MYPN: variants seen among roughly 807,000 people sequenced by gnomAD.
MYPN encodes the protein myopalladin.
A neutral mutation model predicts 129.4 loss-of-function variants in MYPN; 63 were observed. That is an observed-to-expected ratio of 0.49 (90% CI 0.40 to 0.60). The LOEUF is 0.60. Ranked by LOEUF, MYPN falls within the 20% of genes least tolerant of loss-of-function variation. MYPN has a pLI of 0.00. For synonymous variants in MYPN, 629 were observed against 600.9 expected (o/e 1.05, Z -0.68); for missense variants, 1,596 against 1,635.4 (o/e 0.98, Z 0.42).
chr10:68,143,679 G>C (rs1023342646), intron 3 of MYPN, among the ~76,000 whole-genome samples: 1 of 152,182 alleles, frequency 6.6e-6, no homozygotes, highest in African/African-American at 2.4e-5. Context: ...TTTTGACCCT[G>C]AGGTAGATGA....
intron 17 of MYPN, 135 bp downstream of exon 17, chr10:68,199,710 G>A: frequency 1.1e-6 from 1 of 877,882 alleles, no homozygotes; most frequent in Non-Finnish European, 1.9e-6. Flanking sequence ...CTGTGGTAGG[G>A]GTGGTATTTC....
chr10:68,163,802 T>C (rs1017667836), intron 8 of MYPN, among the ~76,000 whole-genome samples: 3 of 152,140 alleles, frequency 2.0e-5, no homozygotes, highest in African/African-American at 7.2e-5. Context: ...ACAAAGGAAG[T>C]GGGTCAAAGT....
At chr10:68,128,077 A>G (rs2042353811) in intron 2 of MYPN, among the ~76,000 whole-genome samples, 1 of 152,216 alleles carries the variant, frequency 6.6e-6, no homozygotes, top group African/African-American at 2.4e-5. Flanking sequence ...GGAATCCTGT[A>G]TCACTGAAGC....
intron 1 of MYPN, among the ~76,000 whole-genome samples, chr10:68,093,252 G>A (rs2041939165): frequency 1.3e-5 from 2 of 152,020 alleles, no homozygotes; most frequent in African/African-American, 4.8e-5. Context: ...CAGTGCTTTT[G>A]ACCTTGGTAA....
At chr10:68,208,423 T>C (rs936003127) in intron 19 of MYPN, among the ~76,000 whole-genome samples, 7 of 152,132 alleles carry the variant, frequency 4.6e-5, no homozygotes, top group African/African-American at 1.7e-4. Flanking sequence ...TGAGAAGAGA[T>C]TAAACTGTGA....
chr10:68,210,479 A>G lies in MYPN; in HGVS notation c.*24A>G. Reference sequence around the variant, plus strand: ...AAGAATGTCTAGGTACCTGCTGTGTAAGAGAGCGGACTGTGGAGGGGGAAT... The same window carrying G: ...AAGAATGTCTAGGTACCTGCTGTGTGAGAGAGCGGACTGTGGAGGGGGAAT... On this transcript the variant is annotated 3_prime_UTR_variant, in exon 20 of 20. Coordinates refer to ENST00000358913, the MANE Select transcript of MYPN (RefSeq NM_032578.4). 6.2e-7 allele frequency: 1 copy of G among 1,613,348 alleles called. No homozygotes were observed. The highest frequency in any genetic ancestry group is 8.5e-7 in the Non-Finnish European group (1 of 1,179,808).
chr10:68,117,179 G>T (rs1351343950), intron 1 of MYPN, among the ~76,000 whole-genome samples: 1 of 150,424 alleles, frequency 6.6e-6, no homozygotes. Context: ...AGCCGACATC[G>T]CACCATTGCA....
intron 8 of MYPN, 51 bp from the exon 9 acceptor site, chr10:68,165,651 A>G (rs1378579791): frequency 1.5e-6 from 2 of 1,327,818 alleles, no homozygotes; most frequent in African/African-American, 2.9e-5. Flanking sequence ...AAATTCTATA[A>G]TTCTGTTTTC....
upstream of MYPN, among the ~76,000 whole-genome samples, chr10:68,108,113 A>G (rs1158880846): frequency 1.3e-5 from 2 of 152,220 alleles, no homozygotes; most frequent in African/African-American, 4.8e-5. Flanking sequence ...AAATCTGTAC[A>G]TTGAAGCTCT....
At chr10:68,173,228 G>T (rs2134194629) in intron 10 of MYPN, among the ~76,000 whole-genome samples, 1 of 152,308 alleles carries the variant, frequency 6.6e-6, no homozygotes, top group South Asian at 2.1e-4. Flanking sequence ...CGGCTTCTTT[G>T]TTAAGGTCGG....
At chr10:68,167,994 G>T (rs2043080338) in intron 10 of MYPN, among the ~76,000 whole-genome samples, 1 of 152,192 alleles carries the variant, frequency 6.6e-6, no homozygotes, top group Non-Finnish European at 1.5e-5. Flanking sequence ...TCCAGCCTCT[G>T]TCTGATGGAG....
At chr10:68,093,036 ATAATTT>A (rs1318825759) in intron 1 of MYPN, among the ~76,000 whole-genome samples, 1 of 152,080 alleles carries the variant, frequency 6.6e-6, no homozygotes. Flanking sequence ...CTGAAAACAG[ATAATTT>A]TTATTTTTTT....
Position 68,210,843 on chromosome 10 carries a change from G to A in MYPN, c.*388G>A, listed in dbSNP as rs1589623638. 4.4e-6 allele frequency: 2 copies of A among 458,640 alleles called. No homozygotes were observed. The highest frequency in any genetic ancestry group is 1.4e-4 in the East Asian group (2 of 14,620). The allele number at this position is 458,640 out of a possible 1,614,324, so 28.4% of individuals were successfully genotyped here. ...AAGAGCTAGGCAGTAGTGACCTTAGGATATGACTAACTCACCAAACAATGC... is the reference window on the plus strand; with the variant it reads ...AAGAGCTAGGCAGTAGTGACCTTAGAATATGACTAACTCACCAAACAATGC... On this transcript the variant is annotated 3_prime_UTR_variant, in exon 20 of 20. Coordinates refer to ENST00000358913, the MANE Select transcript of MYPN (RefSeq NM_032578.4).
At chr10:68,198,339 A>T (rs182162559) in intron 16 of MYPN, among the ~76,000 whole-genome samples, 1 of 152,208 alleles carries the variant, frequency 6.6e-6, no homozygotes, top group Admixed American at 6.5e-5. Context: ...ATACTAATCA[A>T]CCTCCATTAC....
chr10:68,182,412 TATAAC>T (rs1423757815), intron 12 of MYPN, among the ~76,000 whole-genome samples: 1 of 63,112 alleles, frequency 1.6e-5, no homozygotes, highest in Non-Finnish European at 4.5e-5. Context: ...AACACATATA[TATAAC>T]ATATATATAA....
chr10:68,090,158 A>T (rs2041924549), intron 1 of MYPN, among the ~76,000 whole-genome samples: 1 of 151,892 alleles, frequency 6.6e-6, no homozygotes, highest in African/African-American at 2.4e-5. Flanking sequence ...TGAACATACT[A>T]CTCAATGAAC....
intron 1 of MYPN, among the ~76,000 whole-genome samples, chr10:68,112,698 T>G (rs2042098317): frequency 6.6e-6 from 1 of 152,240 alleles, no homozygotes; most frequent in African/African-American, 2.4e-5. Context: ...GATTTCCATA[T>G]TATTATTGAC....
At chr10:68,193,799 A>G (rs1338763229) in intron 13 of MYPN, among the ~76,000 whole-genome samples, 6 of 55,982 alleles carry the variant, frequency 1.1e-4, no homozygotes, top group African/African-American at 2.2e-4. Flanking sequence ...GTGTATGTGC[A>G]CACACACACA....
intron 2 of MYPN, among the ~76,000 whole-genome samples, chr10:68,138,110 C>CTT (rs71009009): frequency 9.1e-4 from 130 of 143,014 alleles, no homozygotes; most frequent in African/African-American, 2.2e-3. Flanking sequence ...CTTTTTTCTT[C>CTT]TTTTTTTTTT....
Sources: allele counts gnomAD v4.1 joint callset (sites outside exome capture counted in the v4.1 genomes callset), GRCh38; gene constraint gnomAD v4.1.1; transcripts MANE v1.5; gene names NCBI Gene and HGNC (gene_info 2026-07-23, HGNC 2026-07-21).